PDZD9: variants seen among roughly 807,000 people sequenced by gnomAD.
PDZD9 encodes the protein PDZ domain-containing protein 9.
In PDZD9, 13 loss-of-function variants were observed where a neutral mutation model predicts 16.3. That is an observed-to-expected ratio of 0.80 (90% confidence interval 0.52 to 1.27). The LOEUF (loss-of-function observed/expected upper bound fraction) is 1.27. Ranked by LOEUF, PDZD9 falls within the 50% of genes most tolerant of loss-of-function variation. PDZD9 has a pLI of 0.00. For missense variants in PDZD9, 288 were observed against 310.9 expected (o/e 0.93, Z 0.55); for synonymous variants, 120 against 111.0 (o/e 1.08, Z -0.51).
Position 21,988,868 on chromosome 16 carries a change from G to A in PDZD9, c.212-77C>T, listed in dbSNP as rs1251646712. On this transcript the variant is annotated intron_variant, in intron 2 of 3. Transcript: ENST00000424898. ...ATATTGATTTCTGGCTTTATTGTGA[G>A]GTATTTCATTTTATGGGTTCATATT... The A allele has an allele frequency of 4.1e-6, 5 of 1,228,322 alleles. No homozygotes were observed. The East Asian group carries it at 1.4e-4, about 34-fold the overall frequency. 76.1% of individuals were successfully genotyped at this position (1,228,322 alleles called of 1,614,324 possible). A position where few individuals can be genotyped will look rare whatever the true frequency, so the allele number is the denominator to read the frequency against.
intron 3 of PDZD9, among the ~76,000 whole-genome samples, chr16:21,987,355 G>A (rs1898902454): frequency 6.6e-6 from 1 of 152,126 alleles, no homozygotes; most frequent in Non-Finnish European, 1.5e-5. Flanking sequence ...GAGAGGCAGA[G>A]GTTGCAGTGA....
downstream of PDZD9, among the ~76,000 whole-genome samples, chr16:21,979,615 A>G (rs1250160644): frequency 1.3e-5 from 2 of 152,130 alleles, no homozygotes; most frequent in African/African-American, 4.8e-5. Context: ...ACAAAAGATA[A>G]AAAAATGGTA....
chr16:21,982,963 C>CAAAA (rs1036084484), downstream of PDZD9: 28 of 537,622 alleles, frequency 5.2e-5, no homozygotes, highest in African/African-American at 1.7e-4. Context: ...GACTCCACCT[C>CAAAA]AAAAAAAAAA....
chr16:21,971,647 A>G, the PDZD9 span: 3 of 1,605,116 alleles, frequency 1.9e-6, no homozygotes, highest in Non-Finnish European at 8.5e-7. Context: ...ATTAGGGTTA[A>G]TTTATCAGAA....
At chr16:21,964,516 C>T in the PDZD9 span, among the ~76,000 whole-genome samples, 1 of 152,166 alleles carries the variant, frequency 6.6e-6, no homozygotes, top group African/African-American at 2.4e-5. Context: ...GCTCTACCCT[C>T]TTCTCCTTCC....
At chr16:21,962,490 T>C in the PDZD9 span, 3 of 1,614,208 alleles carry the variant, frequency 1.9e-6, no homozygotes, top group Non-Finnish European at 2.5e-6. Context: ...ACATGGCTTA[T>C]ACTGTGGAAT....
At chr16:21,960,865 C>G in the PDZD9 span, among the ~76,000 whole-genome samples, 1 of 152,064 alleles carries the variant, frequency 6.6e-6, no homozygotes, top group Non-Finnish European at 1.5e-5. Context: ...GGGTCTTGCT[C>G]TGTTTCCCAG....
At chr16:21,980,572 A>G (rs1367442811), downstream of PDZD9, 3 of 1,614,142 alleles carry the variant, frequency 1.9e-6, no homozygotes, top group Non-Finnish European at 2.5e-6. Flanking sequence ...TGGATACCTA[A>G]TGTCAGTGGA....
chr16:21,986,399 T>C (rs955922244), intron 3 of PDZD9, among the ~76,000 whole-genome samples: 1 of 152,186 alleles, frequency 6.6e-6, no homozygotes, highest in Non-Finnish European at 1.5e-5. Context: ...TAGAATTTAA[T>C]ATTCTGGATC....
chr16:21,978,701 G>A, the PDZD9 span, among the ~76,000 whole-genome samples: 4 of 152,156 alleles, frequency 2.6e-5, no homozygotes, highest in Non-Finnish European at 4.4e-5. Context: ...AAATAGTAAC[G>A]TAAACGGTTC....
At chr16:21,976,241 CAAGT>C in the PDZD9 span, 2 of 1,611,684 alleles carry the variant, frequency 1.2e-6, no homozygotes, top group Non-Finnish European at 1.7e-6. Flanking sequence ...TCCAAGCTGC[CAAGT>C]AAGTCTCAGT....
At chr16:21,962,636 C>G in the PDZD9 span, 2 of 1,588,276 alleles carry the variant, frequency 1.3e-6, no homozygotes, top group East Asian at 4.5e-5. Flanking sequence ...TGTTCATAAA[C>G]TGCTCAAAAA....
At chr16:21,974,999 A>G in the PDZD9 span, among the ~76,000 whole-genome samples, 2 of 152,356 alleles carry the variant, frequency 1.3e-5, no homozygotes. Context: ...TATTCGCTGT[A>G]GTGTAGATGT....
chr16:21,983,090 G>A (rs7282), downstream of PDZD9: 178,646 of 1,611,660 alleles, frequency 0.11, 11,964 homozygotes, highest in South Asian at 0.26. Context: ...CTTTAAAGGC[G>A]GCAAAGAAGT....
chr16:21,976,256 AT>A, the PDZD9 span: 1 of 1,598,498 alleles, frequency 6.3e-7, no homozygotes, highest in East Asian at 2.2e-5. Context: ...AAGTCTCAGT[AT>A]TAACTGTGTT....
rs567919985 is a variant in PDZD9 at position 21,984,777 on chromosome 16, A to G, written c.402-117T>C. 1.6e-5 allele frequency: 11 copies of G among 698,290 alleles called. No homozygotes were observed. The South Asian group carries it at 3.8e-4, about 24-fold the overall frequency. The allele number at this position is 698,290 out of a possible 1,614,324, so 43.3% of individuals were successfully genotyped here. ...ATAAAAGATACAATTTAGCTTTAGCATTACCTTTCTGTGTCATTGAAATGT... is the reference window on the plus strand; with the variant it reads ...ATAAAAGATACAATTTAGCTTTAGCGTTACCTTTCTGTGTCATTGAAATGT... On this transcript the variant is annotated intron_variant, in intron 3 of 3. Transcript: ENST00000424898.
the PDZD9 span, among the ~76,000 whole-genome samples, chr16:21,964,265 C>T: frequency 6.6e-6 from 1 of 152,182 alleles, no homozygotes; most frequent in East Asian, 1.9e-4. Flanking sequence ...AGAGTGGCTT[C>T]TTCCCCACTG....
At chr16:21,980,468 C>A, downstream of PDZD9, 2 of 1,494,554 alleles carry the variant, frequency 1.3e-6, no homozygotes, top group Non-Finnish European at 9.1e-7. Flanking sequence ...CTTTGATGTT[C>A]ACAGCCCCCC....
At chr16:21,976,004 A>G in the PDZD9 span, among the ~76,000 whole-genome samples, 322 of 152,294 alleles carry the variant, frequency 2.1e-3, 1 homozygote, top group African/African-American at 7.5e-3. Flanking sequence ...GAACATAGGA[A>G]GAATAAGGAA....
Sources: gnomAD v4.1 joint callset for allele counts (sites outside exome capture counted in the v4.1 genomes callset) on GRCh38, gnomAD v4.1.1 for gene constraint, MANE v1.5 for transcripts, NCBI Gene and HGNC (gene_info 2026-07-23, HGNC 2026-07-21) for gene names.